Variants in ADAM10 observed in about 807,000 individuals in gnomAD.
ADAM10 encodes the protein ADAM metallopeptidase domain 10.
Under a neutral mutation model 90.1 loss-of-function variants are expected in ADAM10, and 17 were observed. That is an observed-to-expected ratio of 0.19 (90% CI 0.13 to 0.28). The LOEUF (loss-of-function observed/expected upper bound fraction) is 0.28, where lower values mean the gene tolerates loss of function less well. Ranked by LOEUF, ADAM10 falls within the 10% of genes least tolerant of loss-of-function variation. ADAM10 has a pLI of 1.00. For missense variants in ADAM10, 610 were observed against 914.3 expected, an observed-to-expected ratio of 0.67 and a Z score of 4.29; for synonymous variants, 310 against 298.6, an observed-to-expected ratio of 1.04 and a Z score of -0.40.
At chr15:58,610,055 A>G (rs77847426) in intron 14 of ADAM10, 2 of 524,306 alleles carry the variant, frequency 3.8e-6, no homozygotes, top group Admixed American at 3.1e-5. Flanking sequence ...AGATGAACTA[A>G]GGAGCACGGT....
chr15:58,618,908 G>A (rs1895698821), intron 11 of ADAM10, among the ~76,000 whole-genome samples: 1 of 152,170 alleles, frequency 6.6e-6, no homozygotes, highest in African/African-American at 2.4e-5. Context: ...TTTACTGCTG[G>A]TGGGAATATA....
At chr15:58,671,613 C>A (rs1897193796) in intron 4 of ADAM10, among the ~76,000 whole-genome samples, 1 of 152,186 alleles carries the variant, frequency 6.6e-6, no homozygotes, top group Non-Finnish European at 1.5e-5. Flanking sequence ...GTGGCTCACA[C>A]CTGTCATCTT....
intron 14 of ADAM10, among the ~76,000 whole-genome samples, chr15:58,601,704 C>G (rs1447205299): frequency 6.6e-6 from 1 of 152,194 alleles, no homozygotes; most frequent in African/African-American, 2.4e-5. Context: ...CTATCCAGTT[C>G]AGAATCGTGT....
intron 4 of ADAM10, among the ~76,000 whole-genome samples, chr15:58,676,997 C>T (rs1233130670): frequency 2.0e-5 from 3 of 152,234 alleles, no homozygotes; most frequent in South Asian, 2.1e-4. Context: ...TTGCGAACCA[C>T]GGTCTAGAAT....
chr15:58,621,482 C>T lies in ADAM10; in HGVS notation c.1500G>A (p.Gly500=). The part of the protein sequence containing the change: ...PEGRKCKLKP[G]KQCSPSQGPC... ...AATTAGCAAGGTACCTGCACTGTTT[C>T]CCAGGTTTCAGTTTGCATTTTCTTC... is the stretch of plus-strand genomic sequence containing the variant. The change falls in exon 11 of 16, where the codon GGG becomes GGA. Residue 500 remains glycine (G), a synonymous_variant. Transcript: ENST00000260408. 1.2e-6 allele frequency: 2 copies of T among 1,614,030 alleles called. No individual in the cohort carries two copies. The highest frequency in any genetic ancestry group is 1.7e-6 in the Non-Finnish European group (2 of 1,179,998).
At chr15:58,608,990 T>G (rs1486551277) in intron 14 of ADAM10, among the ~76,000 whole-genome samples, 1 of 152,160 alleles carries the variant, frequency 6.6e-6, no homozygotes, top group South Asian at 2.1e-4. Flanking sequence ...AATTTCAACT[T>G]TTCTTATTAG....
chr15:58,627,686 G>T lies in ADAM10; in HGVS notation c.1360+14C>A. 1 of 1,608,724 alleles carries T rather than the reference G, an allele frequency of 6.2e-7. No individual in the cohort carries two copies. Among genetic ancestry groups the T allele is most frequent in the South Asian group, 1.1e-5 (1 of 90,882 alleles). The stretch of plus-strand genomic sequence containing the variant: ...GAAAATGTTCATAACAAAACGTTAG[G>T]AAAATATACATACCAACAAAACAGT... On this transcript the variant is annotated intron_variant, in intron 10 of 15. Transcript: ENST00000260408.
chr15:58,600,966 A>T (rs935388484), intron 14 of ADAM10, among the ~76,000 whole-genome samples: 1 of 152,208 alleles, frequency 6.6e-6, no homozygotes, highest in Admixed American at 6.5e-5. Context: ...CAGTGTTTAT[A>T]TAATTAAAGT....
chr15:58,650,464 C>T (rs1242609874), intron 5 of ADAM10, among the ~76,000 whole-genome samples: 3 of 152,052 alleles, frequency 2.0e-5, no homozygotes, highest in African/African-American at 4.8e-5. Flanking sequence ...AATTTATACC[C>T]TTATTCTTAG....
intron 2 of ADAM10, among the ~76,000 whole-genome samples, chr15:58,702,573 G>T (rs8036448): frequency 0.28 from 42,952 of 151,932 alleles, 8,702 homozygotes; most frequent in African/African-American, 0.57. Flanking sequence ...AAGTACCCCA[G>T]AAACATGTAC....
Position 58,596,508 on chromosome 15 carries a change from C to T in ADAM10, c.*1039G>A, listed in dbSNP as rs956019081. 6.6e-6 allele frequency: 1 copy of T among 152,406 alleles called. No individual in the cohort carries two copies. The highest frequency in any genetic ancestry group is 2.1e-4 in the South Asian group (1 of 4,830). 9.4% of individuals were successfully genotyped at this position (152,406 alleles called of 1,614,324 possible). A position where few individuals can be genotyped will look rare whatever the true frequency, so the allele number is the denominator to read the frequency against. ...ATCAGTGATGATATGCTGAAAAAAC[C>T]GTTTAAATATTTTGATAAAGACACA... On this transcript the variant is annotated 3_prime_UTR_variant, in exon 16 of 16. Transcript: ENST00000260408.
intron 14 of ADAM10, 91 bp downstream of exon 14, chr15:58,610,206 G>C: frequency 9.8e-7 from 1 of 1,015,994 alleles, no homozygotes; most frequent in Non-Finnish European, 1.5e-6. Flanking sequence ...AAATAGTTAA[G>C]TTGTTTTCTC....
chr15:58,720,069 A>G (rs1898791204), intron 1 of ADAM10, among the ~76,000 whole-genome samples: 1 of 152,224 alleles, frequency 6.6e-6, no homozygotes, highest in Non-Finnish European at 1.5e-5. Flanking sequence ...GACACTTCCT[A>G]GCCATAACCA....
intron 1 of ADAM10, among the ~76,000 whole-genome samples, chr15:58,728,526 G>A (rs1387426009): frequency 1.3e-5 from 2 of 151,646 alleles, no homozygotes; most frequent in African/African-American, 4.9e-5. Flanking sequence ...GACAGCTTAA[G>A]GTGAGGCATT....
At chr15:58,657,770 C>T (rs1358674545) in intron 5 of ADAM10, among the ~76,000 whole-genome samples, 1 of 152,086 alleles carries the variant, frequency 6.6e-6, no homozygotes, top group African/African-American at 2.4e-5. Flanking sequence ...TGTTGGTTCA[C>T]GTCTGGGCAT....
At chr15:58,691,551 C>G (rs1408670428) in intron 2 of ADAM10, 1 of 532,966 alleles carries the variant, frequency 1.9e-6, no homozygotes, top group Non-Finnish European at 3.7e-6. Context: ...AGACAGGTGT[C>G]GCCAGTTAAT....
At chr15:58,697,539 C>G (rs1448565124) in intron 2 of ADAM10, among the ~76,000 whole-genome samples, 1 of 152,206 alleles carries the variant, frequency 6.6e-6, no homozygotes, top group Non-Finnish European at 1.5e-5. Context: ...CATACCACAG[C>G]TGGTCCCCAA....
At chr15:58,656,949 T>G (rs1392913428) in intron 5 of ADAM10, among the ~76,000 whole-genome samples, 6 of 152,242 alleles carry the variant, frequency 3.9e-5, no homozygotes, top group African/African-American at 1.4e-4. Flanking sequence ...GTTTGAAGGC[T>G]ATTTCCCTGA....
intron 7 of ADAM10, among the ~76,000 whole-genome samples, chr15:58,641,755 G>A (rs2140688080): frequency 6.6e-6 from 1 of 152,252 alleles, no homozygotes; most frequent in African/African-American, 2.4e-5. Flanking sequence ...GAACGATTTG[G>A]CTTTCCCCAG....
Sources: gnomAD v4.1 joint callset for allele counts (sites outside exome capture counted in the v4.1 genomes callset) on GRCh38, gnomAD v4.1.1 for gene constraint, MANE v1.5 for transcripts, NCBI Gene and HGNC (gene_info 2026-07-23, HGNC 2026-07-21) for gene names.